Variants in ABLIM1 observed in about 807,000 individuals in gnomAD.
The protein encoded by ABLIM1 is actin binding LIM protein 1.
In ABLIM1, 40 loss-of-function variants were observed where a neutral mutation model predicts 107.0. That is an observed-to-expected ratio of 0.37 (90% CI 0.29 to 0.49). The LOEUF (loss-of-function observed/expected upper bound fraction) is 0.49. ABLIM1 is among the 20% of genes least tolerant of loss of function. The probability of loss-of-function intolerance (pLI) is 0.97; values close to 1 mark genes in which losing one functional copy is unlikely to be tolerated. For missense variants in ABLIM1, 857 were observed against 1,008.5 expected, an observed-to-expected ratio of 0.85 and a Z score of 2.04; for synonymous variants, 357 against 357.3, an observed-to-expected ratio of 1.00 and a Z score of 0.01.
chr10:114,620,219 A>G (rs2077379900), intron 1 of ABLIM1, among the ~76,000 whole-genome samples: 1 of 152,234 alleles, frequency 6.6e-6, no homozygotes, highest in South Asian at 2.1e-4. Flanking sequence ...GCAGAGAGTA[A>G]AGGTAAGTAT....
chr10:114,712,845 AG>A (rs1328067515), intron 1 of ABLIM1, among the ~76,000 whole-genome samples: 1 of 152,228 alleles, frequency 6.6e-6, no homozygotes, highest in African/African-American at 2.4e-5. Context: ...ATAAAACCGT[AG>A]GGCAATGGAT....
intron 1 of ABLIM1, among the ~76,000 whole-genome samples, chr10:114,681,614 C>T (rs773156183): frequency 1.3e-5 from 2 of 152,206 alleles, no homozygotes; most frequent in Non-Finnish European, 2.9e-5. Context: ...ACTCTCTACG[C>T]CACTTCAATT....
In ABLIM1 at chr10:114,436,384, G is replaced by GAA. The variant is rs373508923; in HGVS notation, c.2224-13_2224-12dup. On this transcript the variant is annotated splice_polypyrimidine_tract_variant and intron_variant, in intron 22 of 22. Coordinates refer to ENST00000533213, the MANE Select transcript of ABLIM1 (RefSeq NM_002313.7). Reference sequence around the variant, plus strand: ...AGGGGCTAAGTGGCGCTGGGAAGAAGAAAAAAAAAAAAGAGCTGCTGTCAG... The same window carrying GAA: ...AGGGGCTAAGTGGCGCTGGGAAGAAGAAAAAAAAAAAAAAGAGCTGCTGTCAG... 1.2e-4 allele frequency: 148 copies of GAA among 1,243,116 alleles called. No individual in the cohort carries two copies. Among genetic ancestry groups the GAA allele is most frequent in the South Asian group, 2.0e-4 (13 of 66,312 alleles). The allele number at this position is 1,243,116 out of a possible 1,614,324, so 77.0% of individuals were successfully genotyped here.
chr10:114,494,769 G>A (rs1321727816), intron 6 of ABLIM1, among the ~76,000 whole-genome samples: 1 of 152,218 alleles, frequency 6.6e-6, no homozygotes, highest in Non-Finnish European at 1.5e-5. Flanking sequence ...TGAGACACTA[G>A]GGTAAGTCTG....
intron 6 of ABLIM1, among the ~76,000 whole-genome samples, chr10:114,497,522 A>T (rs1035393369): frequency 2.6e-5 from 4 of 152,076 alleles, no homozygotes; most frequent in Middle Eastern, 3.2e-3. Flanking sequence ...TACTAAAAAA[A>T]ATATTAAATA....
chr10:114,493,432 T>C (rs1355011544), intron 6 of ABLIM1, among the ~76,000 whole-genome samples: 1 of 152,212 alleles, frequency 6.6e-6, no homozygotes, highest in East Asian at 1.9e-4. Context: ...AGTGTATTTA[T>C]CATATTTAGT....
chr10:114,440,043 T>C, intron 20 of ABLIM1, 39 bp downstream of exon 20: 1 of 1,613,778 alleles, frequency 6.2e-7, no homozygotes, highest in Non-Finnish European at 8.5e-7. Flanking sequence ...GGCTGTTCTA[T>C]CGGTGTGGCC....
At chr10:114,461,791 C>G (rs548003859) in intron 12 of ABLIM1, among the ~76,000 whole-genome samples, 350 of 151,788 alleles carry the variant, frequency 2.3e-3, no homozygotes, top group African/African-American at 8.0e-3. Context: ...TGTACTCCAG[C>G]CTGGGTGACA....
rs1315295272 is a variant in ABLIM1, at chr10:114,718,070, A to AAAGGAAGGAAGGAAGG, written c.-213+49975_-213+49990dup. On this transcript the variant is annotated intron_variant, in intron 1 of 15. Transcript: ENST00000651092. ...GAAAGAAAGAAAGAAAGAAAGGAAG[A>AAAGGAAGGAAGGAAGG]AAGGAAGGAAGGAAGGAAGGAAGGA... 2.8e-3 allele frequency among the ~76,000 whole-genome samples: 149 copies of AAAGGAAGGAAGGAAGG among 54,100 alleles called. 8 individuals are homozygous for AAAGGAAGGAAGGAAGG. The highest frequency in any genetic ancestry group is 6.9e-3 in the African/African-American group (140 of 20,292). 35.5% of individuals were successfully genotyped at this position (54,100 alleles called of 152,430 possible).
At chr10:114,539,873 TG>T (rs1027533189) in intron 6 of ABLIM1, among the ~76,000 whole-genome samples, 1 of 128,158 alleles carries the variant, frequency 7.8e-6, no homozygotes, top group African/African-American at 2.9e-5. Flanking sequence ...AGAAAGAAGG[TG>T]GGGGCAGGGG....
At chr10:114,672,979 C>T (rs780304003) in intron 1 of ABLIM1, among the ~76,000 whole-genome samples, 4 of 151,984 alleles carry the variant, frequency 2.6e-5, no homozygotes, top group Admixed American at 6.6e-5. Flanking sequence ...AAAAATCAGC[C>T]GGGCTCAGTG....
chr10:114,630,684 C>T (rs1233831694), intron 1 of ABLIM1, among the ~76,000 whole-genome samples: 1 of 151,998 alleles, frequency 6.6e-6, no homozygotes, highest in Non-Finnish European at 1.5e-5. Flanking sequence ...AAATCTATTC[C>T]CTATAGTAGC....
intron 1 of ABLIM1, among the ~76,000 whole-genome samples, chr10:114,756,242 C>T (rs2082627670): frequency 6.6e-6 from 1 of 152,144 alleles, no homozygotes; most frequent in Non-Finnish European, 1.5e-5. Flanking sequence ...ATCCTATGCA[C>T]ATTTGTTCAC....
the ABLIM1 span, among the ~76,000 whole-genome samples, chr10:114,777,123 T>A: frequency 6.6e-6 from 1 of 152,170 alleles, no homozygotes; most frequent in Admixed American, 6.5e-5. Context: ...CATTTTTTTC[T>A]TCCATGATTT....
At chr10:114,798,565 C>CCCCG in the ABLIM1 span, among the ~76,000 whole-genome samples, 1 of 146,900 alleles carries the variant, frequency 6.8e-6, no homozygotes, top group Admixed American at 6.7e-5. Flanking sequence ...GACCCCCCCC[C>CCCCG]CATGTCTACA....
intron 16 of ABLIM1, among the ~76,000 whole-genome samples, 171 bp from the exon 17 acceptor site, chr10:114,444,305 G>A (rs2060694932): frequency 2.0e-5 from 3 of 152,134 alleles, no homozygotes; most frequent in South Asian, 4.1e-4. Flanking sequence ...GGTCAAGTTT[G>A]GGACCCTAAA....
chr10:114,453,753 T>G (rs2062292302), intron 12 of ABLIM1, among the ~76,000 whole-genome samples: 1 of 152,170 alleles, frequency 6.6e-6, no homozygotes, highest in Non-Finnish European at 1.5e-5. Context: ...TTGAAAGCTG[T>G]GAGCTCGCAG....
intron 8 of ABLIM1, among the ~76,000 whole-genome samples, chr10:114,476,993 C>T (rs989670545): frequency 6.6e-6 from 1 of 151,916 alleles, no homozygotes; most frequent in East Asian, 1.9e-4. Context: ...GTAATCTTCT[C>T]GGTAACCCTA....
the ABLIM1 span, among the ~76,000 whole-genome samples, chr10:114,791,410 C>G: frequency 1.3e-5 from 2 of 151,944 alleles, no homozygotes; most frequent in African/African-American, 2.4e-5. Flanking sequence ...AGGCCAAAGC[C>G]GGCGGATCAC....
Sources: allele counts gnomAD v4.1 joint callset (sites outside exome capture counted in the v4.1 genomes callset), GRCh38; gene constraint gnomAD v4.1.1; transcripts MANE v1.5; gene names NCBI Gene and HGNC (gene_info 2026-07-23, HGNC 2026-07-21).